The following DSCAML1 variants were observed in gnomAD, a reference collection of about 807,000 sequenced individuals.
DSCAML1 encodes the protein cell adhesion molecule DSCAML1.
Under a neutral mutation model 200.5 loss-of-function variants are expected in DSCAML1, and 38 were observed. The observed-to-expected ratio is 0.19, with a 90% CI of 0.15 to 0.25. The LOEUF (loss-of-function observed/expected upper bound fraction) is 0.25. DSCAML1 is among the 10% of genes least tolerant of loss of function. DSCAML1 has a pLI of 1.00. For synonymous variants in DSCAML1, 1,215 were observed against 1,165.0 expected (o/e 1.04, Z -0.87); for missense variants, 2,223 against 2,858.8 (o/e 0.78, Z 5.07).
intron 3 of DSCAML1, among the ~76,000 whole-genome samples, chr11:117,763,076 C>G (rs73587426): frequency 0.057 from 8,618 of 152,150 alleles, 343 homozygotes; most frequent in African/African-American, 0.098. Context: ...TCCCACATTC[C>G]CCTTGCCGGT....
chr11:117,721,811 A>T (rs1030121492), intron 3 of DSCAML1, among the ~76,000 whole-genome samples: 4 of 126,364 alleles, frequency 3.2e-5, no homozygotes, highest in African/African-American at 8.2e-5. Flanking sequence ...ATATATATAT[A>T]TTTTTTTTTT....
At chr11:117,720,399 A>G (rs540594714) in intron 3 of DSCAML1, among the ~76,000 whole-genome samples, 2 of 152,116 alleles carry the variant, frequency 1.3e-5, no homozygotes, top group African/African-American at 4.8e-5. Flanking sequence ...TGAAAGAGAA[A>G]AGCCTGAAGT....
intron 3 of DSCAML1, among the ~76,000 whole-genome samples, chr11:117,774,796 G>T (rs1192340273): frequency 2.6e-5 from 4 of 152,148 alleles, no homozygotes; most frequent in African/African-American, 4.8e-5. Flanking sequence ...TCTGGTTCCA[G>T]CCCCACCCTC....
At chr11:117,673,917 G>A (rs1213844783) in intron 3 of DSCAML1, among the ~76,000 whole-genome samples, 1 of 152,206 alleles carries the variant, frequency 6.6e-6, no homozygotes, top group East Asian at 1.9e-4. Context: ...CTGTGCACAC[G>A]TGCAGGCTGG....
At position 117,780,252 on chromosome 11, in the gene DSCAML1, G is replaced by A. The variant is rs1488719554; in HGVS notation, c.364+241C>T. 1.0e-4 allele frequency among the ~76,000 whole-genome samples: 7 copies of A among 70,202 alleles called. No homozygotes were observed. The highest frequency in any genetic ancestry group is 2.1e-4 in the Non-Finnish European group (7 of 32,646). 46.1% of individuals were successfully genotyped at this position (70,202 alleles called of 152,430 possible). A position where few individuals can be genotyped will look rare whatever the true frequency, so the allele number is the denominator to read the frequency against. ...GAAAGGAAAGAAAGAAAGAAAGAAA[G>A]AAAGAAAGAAAGAAAGAAAGAAAGA... On this transcript the variant is annotated intron_variant, in intron 2 of 32. Coordinates refer to ENST00000651296, the MANE Select transcript of DSCAML1 (RefSeq NM_020693.4). This position sits in a 1 kb window ranked among gnomAD's most constrained non-coding sequence, Gnocchi z 4.8.
chr11:117,642,617 G>A lies in DSCAML1; in HGVS notation c.512-110095C>T, dbSNP rs2052435249. ...TCCCTGTGGATGGACAGCAGTGCCTGAGGGAGCCCTTCCATCCCTGCCCAT... is the reference window on the plus strand; with the variant it reads ...TCCCTGTGGATGGACAGCAGTGCCTAAGGGAGCCCTTCCATCCCTGCCCAT... On this transcript the variant is annotated intron_variant, in intron 3 of 32. Transcript: ENST00000651296. This position sits in a 1 kb window ranked among gnomAD's most constrained non-coding sequence, Gnocchi z 4.1. 1.3e-5 allele frequency among the ~76,000 whole-genome samples: 2 copies of A among 152,210 alleles called. No individual in the cohort carries two copies. Among genetic ancestry groups the A allele is most frequent in the Admixed American group, 6.5e-5 (1 of 15,286 alleles).
chr11:117,649,629 C>T (rs992211076), intron 3 of DSCAML1, among the ~76,000 whole-genome samples: 4 of 152,192 alleles, frequency 2.6e-5, no homozygotes, highest in East Asian at 1.9e-4. Flanking sequence ...GCTCTGGGCT[C>T]GTCCCTACCA....
At chr11:117,473,067 T>C (rs938599425) in intron 14 of DSCAML1, among the ~76,000 whole-genome samples, 9 of 152,226 alleles carry the variant, frequency 5.9e-5, no homozygotes, top group African/African-American at 1.9e-4. Context: ...TCTATGCCTT[T>C]AAACCCACAG....
intron 1 of DSCAML1, among the ~76,000 whole-genome samples, chr11:117,786,555 G>C (rs1244085841): frequency 6.6e-6 from 1 of 152,136 alleles, no homozygotes; most frequent in East Asian, 1.9e-4. Context: ...CGAGCCCCGT[G>C]TATGTGACCC....
At chr11:117,697,638 GTC>G (rs1565880596) in intron 3 of DSCAML1, among the ~76,000 whole-genome samples, 1 of 151,930 alleles carries the variant, frequency 6.6e-6, no homozygotes, top group Non-Finnish European at 1.5e-5. Flanking sequence ...TCTATTTTCT[GTC>G]TCTAGGAATT....
At chr11:117,535,065 A>T (rs1036116763) in intron 3 of DSCAML1, among the ~76,000 whole-genome samples, 1 of 152,002 alleles carries the variant, frequency 6.6e-6, no homozygotes, top group African/African-American at 2.4e-5. Context: ...CATGTGCCAG[A>T]CACTGTGCCC....
In DSCAML1 at chr11:117,439,808, C is replaced by A; in HGVS notation, c.3980+11G>T. On this transcript the variant is annotated intron_variant, in intron 22 of 32. Coordinates refer to ENST00000651296, the MANE Select transcript of DSCAML1 (RefSeq NM_020693.4). ...GGGGCCACCCCATCCCTCCACTGTC[C>A]CGACACACACCTGTCCTTGGTCCAC... The A allele has an allele frequency of 6.2e-7, 1 of 1,611,742 alleles. No homozygotes were observed. Among genetic ancestry groups the A allele is most frequent in the Non-Finnish European group, 8.5e-7 (1 of 1,177,964 alleles).
At chr11:117,689,992 A>C (rs1037819687) in intron 3 of DSCAML1, among the ~76,000 whole-genome samples, 3 of 152,316 alleles carry the variant, frequency 2.0e-5, no homozygotes. Flanking sequence ...ACAGGCTTCT[A>C]GCCGGAGGTG....
chr11:117,459,572 G>C (rs1275409685), intron 18 of DSCAML1, among the ~76,000 whole-genome samples: 1 of 152,218 alleles, frequency 6.6e-6, no homozygotes, highest in Non-Finnish European at 1.5e-5. Flanking sequence ...CCTTAGCCAG[G>C]AAGGGCTGGG....
intron 8 of DSCAML1, among the ~76,000 whole-genome samples, chr11:117,513,683 G>A (rs1252978222): frequency 1.4e-5 from 2 of 147,934 alleles, no homozygotes; most frequent in Non-Finnish European, 3.0e-5. Context: ...GGAGGTTGTA[G>A]TGAGCTGAGA....
chr11:117,801,086 A>T (rs564208289), upstream of DSCAML1: 30 of 152,348 alleles, frequency 2.0e-4, 1 homozygote, highest in Admixed American at 2.0e-4. Flanking sequence ...CTTAGTACTT[A>T]CTTATCAGTT....
chr11:117,736,852 G>A (rs550776833), intron 3 of DSCAML1, among the ~76,000 whole-genome samples: 13 of 152,332 alleles, frequency 8.5e-5, no homozygotes, highest in East Asian at 1.9e-4. Flanking sequence ...AGGTCCCTCC[G>A]TGTGGGATTC....
chr11:117,613,771 C>T (rs1436831878), intron 3 of DSCAML1, among the ~76,000 whole-genome samples: 1 of 152,180 alleles, frequency 6.6e-6, no homozygotes, highest in Non-Finnish European at 1.5e-5. Flanking sequence ...ACTGAGGCTG[C>T]TCTTCCCAGC....
At chr11:117,737,098 T>C (rs1189708861) in intron 3 of DSCAML1, among the ~76,000 whole-genome samples, 1 of 152,202 alleles carries the variant, frequency 6.6e-6, no homozygotes, top group Non-Finnish European at 1.5e-5. Context: ...AGGTCCACTA[T>C]TTAAGAAGGC....
Sources: allele counts gnomAD v4.1 joint callset (sites outside exome capture counted in the v4.1 genomes callset), GRCh38; gene constraint gnomAD v4.1.1; non-coding constraint Gnocchi (gnomAD v3.1); transcripts MANE v1.5; gene names NCBI Gene and HGNC (gene_info 2026-07-23, HGNC 2026-07-21).